TMCC1: variants seen among roughly 807,000 people sequenced by gnomAD.
The protein encoded by TMCC1 is transmembrane and coiled-coil domain family 1, also known as transmembrane and coiled-coil domains protein 1.
Under a neutral mutation model 52.4 loss-of-function variants are expected in TMCC1, and 15 were observed. The observed-to-expected ratio is 0.29, with a 90% CI of 0.19 to 0.44. TMCC1 has a LOEUF of 0.44. Among genes scored for constraint, TMCC1 ranks in the 20% least tolerant of loss-of-function variants. The pLI is 1.00. For missense variants in TMCC1, 503 were observed against 806.0 expected (o/e 0.62, Z 4.55); for synonymous variants, 279 against 301.9 (o/e 0.92, Z 0.79).
intron 4 of TMCC1, among the ~76,000 whole-genome samples, chr3:129,718,303 G>A (rs954485804): frequency 2.0e-5 from 3 of 152,162 alleles, no homozygotes; most frequent in African/African-American, 7.2e-5. Flanking sequence ...TATATACTGT[G>A]CTACTGTACA....
At position 129,650,888 on chromosome 3, in the gene TMCC1, G is replaced by T. The variant is rs1197926277; in HGVS notation, c.*593C>A. ...CTTTCACTTTTGTATCCTCGTCAAGGTTAAGGGGCAGGTTCAAAAGTGATC... is the reference window on the plus strand; with the variant it reads ...CTTTCACTTTTGTATCCTCGTCAAGTTTAAGGGGCAGGTTCAAAAGTGATC... On this transcript the variant is annotated 3_prime_UTR_variant, in exon 7 of 7. Transcript: ENST00000393238. 1 of 154,390 alleles carries T rather than the reference G, an allele frequency of 6.5e-6. No homozygotes were observed. Among genetic ancestry groups the T allele is most frequent in the Non-Finnish European group, 1.4e-5 (1 of 69,212 alleles). 9.6% of individuals were successfully genotyped at this position (154,390 alleles called of 1,614,324 possible). A position where few individuals can be genotyped will look rare whatever the true frequency, so the allele number is the denominator to read the frequency against.
intron 2 of TMCC1, among the ~76,000 whole-genome samples, chr3:129,864,094 TAA>T (rs2060517470): frequency 6.6e-6 from 1 of 152,236 alleles, no homozygotes; most frequent in South Asian, 2.1e-4. Context: ...TGCAGTTCTG[TAA>T]AAGAGTTCTA....
At chr3:129,853,236 A>C (rs2059995986) in intron 2 of TMCC1, among the ~76,000 whole-genome samples, 1 of 152,202 alleles carries the variant, frequency 6.6e-6, no homozygotes, top group South Asian at 2.1e-4. Flanking sequence ...ACACTGCAGT[A>C]CATAAACAAA....
At chr3:129,782,748 T>C (rs2055636801) in intron 4 of TMCC1, among the ~76,000 whole-genome samples, 1 of 152,206 alleles carries the variant, frequency 6.6e-6, no homozygotes, top group African/African-American at 2.4e-5. Context: ...TTTCAGGTGG[T>C]TGCTGAGTAC....
intron 4 of TMCC1, among the ~76,000 whole-genome samples, chr3:129,692,422 T>G (rs1212033167): frequency 6.6e-6 from 1 of 152,214 alleles, no homozygotes; most frequent in Non-Finnish European, 1.5e-5. Context: ...AATTTCTAAT[T>G]AGAAGAGTAA....
At chr3:129,759,709 A>ATTTTTTT (rs1560350161) in intron 4 of TMCC1, among the ~76,000 whole-genome samples, 11 of 98,370 alleles carry the variant, frequency 1.1e-4, no homozygotes, top group African/African-American at 4.3e-4. Context: ...AGCCAGCCAA[A>ATTTTTTT]CTTTTTTTTT....
At chr3:129,860,274 T>G (rs1280835124) in intron 2 of TMCC1, among the ~76,000 whole-genome samples, 1 of 152,056 alleles carries the variant, frequency 6.6e-6, no homozygotes, top group Non-Finnish European at 1.5e-5. Flanking sequence ...AGGTCTCTAT[T>G]GCCCAGGCTG....
At chr3:129,657,254 A>G (rs528421163) in intron 5 of TMCC1, among the ~76,000 whole-genome samples, 1 of 152,306 alleles carries the variant, frequency 6.6e-6, no homozygotes, top group South Asian at 2.1e-4. Flanking sequence ...CTTAGCCTAC[A>G]AATTTCAGGC....
At chr3:129,689,230 C>G (rs2089629871) in intron 4 of TMCC1, among the ~76,000 whole-genome samples, 1 of 152,160 alleles carries the variant, frequency 6.6e-6, no homozygotes, top group South Asian at 2.1e-4. Context: ...CAATCATAAG[C>G]CCAGGCTCAG....
At chr3:129,878,781 C>A (rs937930658) in intron 2 of TMCC1, among the ~76,000 whole-genome samples, 2 of 152,178 alleles carry the variant, frequency 1.3e-5, no homozygotes, top group Non-Finnish European at 2.9e-5. Context: ...AGGCCCTACC[C>A]CAGACCTATG....
intron 3 of TMCC1, among the ~76,000 whole-genome samples, chr3:129,830,778 G>A (rs1271751557): frequency 6.6e-6 from 1 of 152,064 alleles, no homozygotes; most frequent in African/African-American, 2.4e-5. Flanking sequence ...AAAGGTACTA[G>A]GAATTTATTA....
At chr3:129,739,174 G>C (rs2051241986) in intron 4 of TMCC1, among the ~76,000 whole-genome samples, 1 of 151,958 alleles carries the variant, frequency 6.6e-6, no homozygotes, top group African/African-American at 2.4e-5. Flanking sequence ...CTTCACAGAT[G>C]ATTCTTTTTT....
At chr3:129,776,870 A>G (rs2055080990) in intron 4 of TMCC1, among the ~76,000 whole-genome samples, 1 of 152,184 alleles carries the variant, frequency 6.6e-6, no homozygotes, top group Non-Finnish European at 1.5e-5. Context: ...CTTGGCCTCA[A>G]GCAATCCTCT....
At chr3:129,774,392 T>C (rs185068201) in intron 4 of TMCC1, among the ~76,000 whole-genome samples, 1 of 152,328 alleles carries the variant, frequency 6.6e-6, no homozygotes, top group African/African-American at 2.4e-5. Flanking sequence ...GAATATTCTA[T>C]TAATATACTA....
intron 4 of TMCC1, among the ~76,000 whole-genome samples, chr3:129,700,583 T>C (rs2047748429): frequency 6.6e-6 from 1 of 152,134 alleles, no homozygotes; most frequent in Non-Finnish European, 1.5e-5. Flanking sequence ...TTCAAGTGCT[T>C]CTCTTGCCTC....
At chr3:129,779,739 A>T (rs1364745412) in intron 4 of TMCC1, among the ~76,000 whole-genome samples, 1 of 152,184 alleles carries the variant, frequency 6.6e-6, no homozygotes. Context: ...AAATGGAACA[A>T]TGTGCAGTAA....
chr3:129,689,035 C>A (rs1310625107), intron 4 of TMCC1, among the ~76,000 whole-genome samples: 1 of 152,190 alleles, frequency 6.6e-6, no homozygotes, highest in Non-Finnish European at 1.5e-5. Flanking sequence ...GAACAGATTT[C>A]CATGCTTTTG....
intron 2 of TMCC1, among the ~76,000 whole-genome samples, chr3:129,869,255 G>A (rs56184246): frequency 0.016 from 2,504 of 152,188 alleles, 57 homozygotes; most frequent in African/African-American, 0.058. Flanking sequence ...ACATGGAGGT[G>A]CTGGGAGGGT....
intron 4 of TMCC1, among the ~76,000 whole-genome samples, chr3:129,803,832 A>T (rs2057321729): frequency 6.6e-6 from 1 of 152,134 alleles, no homozygotes; most frequent in South Asian, 2.1e-4. Context: ...TAAAAAAAAT[A>T]ATTATTTTAA....
Sources: allele counts gnomAD v4.1 joint callset (sites outside exome capture counted in the v4.1 genomes callset), GRCh38; gene constraint gnomAD v4.1.1; transcripts MANE v1.5; gene names NCBI Gene and HGNC (gene_info 2026-07-23, HGNC 2026-07-21).